The following NPNT variants were observed in gnomAD, a reference collection of about 807,000 sequenced individuals.
The protein encoded by NPNT is preosteoblast EGF-like repeat protein with MAM domain.
Under a neutral mutation model 68.6 loss-of-function variants are expected in NPNT, and 45 were observed. The ratio of observed to expected loss-of-function variants is 0.66; its 90% CI spans 0.52 to 0.84. The LOEUF is 0.84. Among genes scored for constraint, NPNT ranks in the 40% least tolerant of loss-of-function variants. NPNT has a pLI of 0.00. For synonymous variants in NPNT, 233 were observed against 253.3 expected (o/e 0.92, Z 0.76); for missense variants, 672 against 714.8 (o/e 0.94, Z 0.68).
Position 105,897,987 on chromosome 4 carries a change from G to C in NPNT, c.158G>C (p.Trp53Ser), listed in dbSNP as rs142276783. Reference sequence around the variant, plus strand: ...TGCTGGGGCTGGGCTCGCCAGTCTTGGGGACAGTGTCAGCGTGAGTATCAA... The same window carrying C: ...TGCTGGGGCTGGGCTCGCCAGTCTTCGGGACAGTGTCAGCGTGAGTATCAA... ...DCCWGWARQS[W>S]GQCQPVCQPR... The change falls in exon 2 of 12, where the codon TGG (tryptophan) becomes TCG (serine). Residue 53 changes from tryptophan to serine, a missense_variant. Physicochemically the swap from Trp to Ser is radical, Grantham distance 177. Transcript: ENST00000379987. The C allele has an allele frequency of 4.9e-4, 786 of 1,609,346 alleles. 4 individuals are homozygous for C. The African/African-American group carries it at 9.4e-3, about 19-fold the overall frequency.
chr4:105,910,616 C>G (rs1034156882), intron 2 of NPNT, among the ~76,000 whole-genome samples: 2 of 152,148 alleles, frequency 1.3e-5, no homozygotes, highest in South Asian at 4.1e-4. Flanking sequence ...TTCCCAGAAA[C>G]TTCCTAGAAG....
chr4:105,969,066 C>T lies in NPNT; in HGVS notation c.*76C>T. The T allele has an allele frequency of 3.1e-6, 3 of 980,330 alleles. No homozygotes were observed. Among genetic ancestry groups the T allele is most frequent in the Middle Eastern group, 4.3e-4 (2 of 4,680 alleles). The allele number at this position is 980,330 out of a possible 1,614,324, so 60.7% of individuals were successfully genotyped here. On this transcript the variant is annotated 3_prime_UTR_variant, in exon 12 of 12. Coordinates refer to ENST00000379987, the MANE Select transcript of NPNT (RefSeq NM_001033047.3). Reference sequence around the variant, plus strand: ...AATTCTCATCTTCTCTCCTCTTCTCCCTTTTATCAGGCCTAGGAGAAGAGT... The same window carrying T: ...AATTCTCATCTTCTCTCCTCTTCTCTCTTTTATCAGGCCTAGGAGAAGAGT...
chr4:105,903,238 G>A (rs1482361865), intron 2 of NPNT, among the ~76,000 whole-genome samples: 1 of 152,158 alleles, frequency 6.6e-6, no homozygotes, highest in Admixed American at 6.5e-5. Context: ...ATTTCTTTTT[G>A]TTGCTTTTTA....
intron 2 of NPNT, chr4:105,912,347 A>AATTGCT (rs1332905397): frequency 1.3e-6 from 1 of 757,284 alleles, no homozygotes; most frequent in Non-Finnish European, 2.1e-6. Context: ...TGTGTTTTTG[A>AATTGCT]ATTGCTTCTT....
At chr4:105,938,247 C>G in intron 4 of NPNT, 54 bp from the exon 5 acceptor site, 3 of 1,583,754 alleles carry the variant, frequency 1.9e-6, no homozygotes, top group Non-Finnish European at 1.7e-6. Flanking sequence ...TAGCTATTTC[C>G]ATTACAGATT....
At chr4:105,904,607 AC>A (rs1172854392) in intron 2 of NPNT, among the ~76,000 whole-genome samples, 1 of 152,162 alleles carries the variant, frequency 6.6e-6, no homozygotes, top group African/African-American at 2.4e-5. Flanking sequence ...CCTATCATTT[AC>A]TTGTAAGAAA....
intron 11 of NPNT, 146 bp downstream of exon 11, chr4:105,967,590 A>G (rs1732272358): frequency 1.5e-6 from 1 of 675,834 alleles, no homozygotes; most frequent in Non-Finnish European, 2.3e-6. Flanking sequence ...GACTCCATTC[A>G]GTGTCTCTTT....
Position 105,969,238 on chromosome 4 carries a change from C to G in NPNT, c.*248C>G. On this transcript the variant is annotated 3_prime_UTR_variant, in exon 12 of 12. Transcript: ENST00000379987. ...CCATCTGTGGGTGTTGCCTTCCATC[C>G]TGTGTCTCTTTCAGGAAGGCATTCA... 2.9e-6 allele frequency: 1 copy of G among 340,742 alleles called. No individual in the cohort carries two copies. The highest frequency in any genetic ancestry group is 4.6e-5 in the East Asian group (1 of 21,946). The allele number at this position is 340,742 out of a possible 1,614,324, so 21.1% of individuals were successfully genotyped here.
chr4:105,924,657 A>G (rs1259894289), intron 2 of NPNT, among the ~76,000 whole-genome samples: 1 of 152,174 alleles, frequency 6.6e-6, no homozygotes, highest in Non-Finnish European at 1.5e-5. Flanking sequence ...CAAATAACAA[A>G]AAAGGGAGAG....
chr4:105,911,405 A>G (rs949450460), intron 2 of NPNT, among the ~76,000 whole-genome samples: 2 of 152,138 alleles, frequency 1.3e-5, no homozygotes, highest in African/African-American at 4.8e-5. Flanking sequence ...TAAATATACA[A>G]TTGTAAATTA....
Position 105,969,434 on chromosome 4 carries a change from A to G in NPNT, c.*444A>G, listed in dbSNP as rs574367965. On this transcript the variant is annotated 3_prime_UTR_variant, in exon 12 of 12. Coordinates refer to ENST00000379987, the MANE Select transcript of NPNT (RefSeq NM_001033047.3). The stretch of plus-strand genomic sequence containing the variant: ...ATTGACTTCCCTTGAGATATGATGT[A>G]CAATGTGCTTGTGAAATTGACTTAC... 6.5e-6 allele frequency: 1 copy of G among 153,876 alleles called. No individual in the cohort carries two copies. Among genetic ancestry groups the G allele is most frequent in the South Asian group, 2.0e-4 (1 of 4,880 alleles). The allele number at this position is 153,876 out of a possible 1,614,324, so 9.5% of individuals were successfully genotyped here. A position where few individuals can be genotyped will look rare whatever the true frequency, so the allele number is the denominator to read the frequency against.
Position 105,971,017 on chromosome 4 carries a change from TC to T in NPNT, c.*2029del. Reference sequence around the variant, plus strand: ...CAGATATTTTAGTATCTCAGTAATGTCCTAGTGTGGCGGTGGTTTTCAATGT... The same window carrying T: ...CAGATATTTTAGTATCTCAGTAATGTCTAGTGTGGCGGTGGTTTTCAATGT... On this transcript the variant is annotated 3_prime_UTR_variant, in exon 12 of 12. Coordinates refer to ENST00000379987, the MANE Select transcript of NPNT (RefSeq NM_001033047.3). The T allele has an allele frequency of 2.8e-6, 1 of 357,388 alleles. No homozygotes were observed. Among genetic ancestry groups the T allele is most frequent in the Non-Finnish European group, 5.7e-6 (1 of 176,514 alleles). 22.1% of individuals were successfully genotyped at this position (357,388 alleles called of 1,614,324 possible).
Position 105,903,154 on chromosome 4 carries a change from CT to C in NPNT, c.172+5156del, listed in dbSNP as rs1402689531. Among the ~76,000 whole-genome samples, 5 of 152,262 alleles carry C rather than the reference CT, an allele frequency of 3.3e-5. No individual in the cohort carries two copies. The East Asian group carries it at 9.6e-4, about 29-fold the overall frequency. ...GGTGCCAGAAACAACACTGTGTTTG[CT>C]TTGTGGAAATTTTTGATATGCTTTA... is the stretch of plus-strand genomic sequence containing the variant. On this transcript the variant is annotated intron_variant, in intron 2 of 11. Coordinates refer to ENST00000379987, the MANE Select transcript of NPNT (RefSeq NM_001033047.3).
intron 10 of NPNT, among the ~76,000 whole-genome samples, chr4:105,964,288 C>T (rs559309966): frequency 6.6e-6 from 1 of 152,300 alleles, no homozygotes; most frequent in East Asian, 1.9e-4. Flanking sequence ...TGTATTTAGC[C>T]AGCCCTCCAC....
At chr4:105,954,852 C>T (rs1375970390) in intron 8 of NPNT, among the ~76,000 whole-genome samples, 3 of 152,208 alleles carry the variant, frequency 2.0e-5, no homozygotes, top group African/African-American at 7.2e-5. Flanking sequence ...TCACTAGCAT[C>T]CTCTGCTTCT....
chr4:105,927,442 C>T lies in NPNT; in HGVS notation c.265+14C>T. The T allele has an allele frequency of 6.5e-7, 1 of 1,529,652 alleles. No individual in the cohort carries two copies. The highest frequency in any genetic ancestry group is 2.3e-5 in the East Asian group (1 of 44,304). The allele number at this position is 1,529,652 out of a possible 1,614,324, so 94.8% of individuals were successfully genotyped here. On this transcript the variant is annotated intron_variant, in intron 3 of 11. Transcript: ENST00000379987. ...CCTGTAATCAAGGTAGGAAAACAGT[C>T]TGACATAAATACACAATCGAAGACA...
At chr4:105,942,820 A>G (rs906031479) in intron 8 of NPNT, 118 bp downstream of exon 8, 6 of 942,486 alleles carry the variant, frequency 6.4e-6, no homozygotes, top group Admixed American at 5.7e-5. Context: ...GTAAAGTCGT[A>G]TGTCCCTATT....
At chr4:105,896,316 G>A (rs1725840237) in intron 1 of NPNT, among the ~76,000 whole-genome samples, 1 of 152,130 alleles carries the variant, frequency 6.6e-6, no homozygotes, top group Non-Finnish European at 1.5e-5. Context: ...TGAGTGTGTG[G>A]ATGTGTGTGT....
intron 3 of NPNT, among the ~76,000 whole-genome samples, chr4:105,936,540 C>T: frequency 6.6e-6 from 1 of 152,196 alleles, no homozygotes; most frequent in East Asian, 1.9e-4. Context: ...GAGGCCAATG[C>T]CTTATCCATT....
Sources: allele counts gnomAD v4.1 joint callset (sites outside exome capture counted in the v4.1 genomes callset), GRCh38; gene constraint gnomAD v4.1.1; transcripts MANE v1.5; gene names NCBI Gene and HGNC (gene_info 2026-07-23, HGNC 2026-07-21).